Variants in CA10 observed in about 807,000 individuals in gnomAD.
CA10 encodes carbonic anhydrase-related protein 10.
In CA10, 14 loss-of-function variants were observed where a neutral mutation model predicts 44.2. The observed-to-expected ratio is 0.32, with a 90% CI of 0.21 to 0.50. The LOEUF (loss-of-function observed/expected upper bound fraction) is 0.50. CA10 is among the 20% of genes least tolerant of loss of function. The probability of loss-of-function intolerance (pLI) is 0.99; values close to 1 mark genes in which losing one functional copy is unlikely to be tolerated. For missense variants in CA10, 350 were observed against 409.7 expected (o/e 0.85, Z 1.26); for synonymous variants, 159 against 141.6 (o/e 1.12, Z -0.87).
At chr17:52,158,961 C>T (rs1183609470), upstream of CA10, among the ~76,000 whole-genome samples, 1 of 152,170 alleles carries the variant, frequency 6.6e-6, no homozygotes, top group African/African-American at 2.4e-5. Flanking sequence ...CTGGGTGTCA[C>T]AGCTTCAGGC....
chr17:52,150,103 A>G (rs1403663117), intron 1 of CA10, among the ~76,000 whole-genome samples: 1 of 152,136 alleles, frequency 6.6e-6, no homozygotes, highest in East Asian at 1.9e-4. Context: ...TGAATTAATC[A>G]TGTCCTATGT....
At chr17:52,158,997 G>A (rs1229484673), upstream of CA10, among the ~76,000 whole-genome samples, 2 of 152,194 alleles carry the variant, frequency 1.3e-5, no homozygotes, top group African/African-American at 4.8e-5. Flanking sequence ...CTCGGCCCCA[G>A]TCCCTGGCAG....
Position 51,820,415 on chromosome 17 carries a change from C to CGG in CA10, c.280-72598_280-72597insCC, listed in dbSNP as rs1390848765. On this transcript the variant is annotated intron_variant, in intron 3 of 8. Transcript: ENST00000451037. ...CCTGGGGATTCCCCTACCCCCCCCCCCCCGCCCGCCGATTTTCCTGTACAA... is the reference window on the plus strand; with the variant it reads ...CCTGGGGATTCCCCTACCCCCCCCCCGGCCCGCCCGCCGATTTTCCTGTACAA... Among the ~76,000 whole-genome samples the CGG allele has an allele frequency of 2.9e-4, 28 of 97,386 alleles. 2 individuals are homozygous for CGG. The highest frequency in any genetic ancestry group is 1.1e-3 in the African/African-American group (25 of 22,520). The allele number at this position is 97,386 out of a possible 152,430, so 63.9% of individuals were successfully genotyped here. A position where few individuals can be genotyped will look rare whatever the true frequency, so the allele number is the denominator to read the frequency against.
At chr17:51,647,717 C>T (rs1038680600) in intron 6 of CA10, among the ~76,000 whole-genome samples, 6 of 151,822 alleles carry the variant, frequency 4.0e-5, no homozygotes, top group African/African-American at 1.5e-4. Context: ...AATTTTCATG[C>T]TTTTTTCATC....
intron 1 of CA10, among the ~76,000 whole-genome samples, chr17:52,124,122 G>A (rs1177093214): frequency 6.6e-6 from 1 of 152,076 alleles, no homozygotes; most frequent in East Asian, 1.9e-4. Context: ...TCACTATGGT[G>A]CTCCATCCTG....
intron 3 of CA10, among the ~76,000 whole-genome samples, chr17:51,874,704 GAATT>G (rs1253697333): frequency 6.6e-6 from 1 of 152,138 alleles, no homozygotes; most frequent in Non-Finnish European, 1.5e-5. Flanking sequence ...CCCACTATTA[GAATT>G]AACCACTGCA....
At position 51,729,347 on chromosome 17, in the gene CA10, G is replaced by GCTTAAACA. The variant is rs1567819452; in HGVS notation, c.465+18285_465+18286insTGTTTAAG. Among the ~76,000 whole-genome samples the GCTTAAACA allele has an allele frequency of 1.2e-3, 188 of 151,992 alleles. 5 individuals carry two copies. In the East Asian group the frequency reaches 0.036, roughly 29 times the overall value. ...CAGATGCTTAAACTTTTTTGTGTGTGTGTGTGTATCACCACACACACATGC... is the reference window on the plus strand; with the variant it reads ...CAGATGCTTAAACTTTTTTGTGTGTGCTTAAACATGTGTGTATCACCACACACACATGC... On this transcript the variant is annotated intron_variant, in intron 4 of 8. Coordinates refer to ENST00000451037, the MANE Select transcript of CA10 (RefSeq NM_020178.5).
intron 3 of CA10, among the ~76,000 whole-genome samples, chr17:51,890,805 A>G (rs1242498075): frequency 6.6e-6 from 1 of 152,182 alleles, no homozygotes; most frequent in African/African-American, 2.4e-5. Flanking sequence ...CTACTTATCC[A>G]GAGGTTACTG....
At chr17:51,950,285 T>C (rs879622006) in intron 2 of CA10, among the ~76,000 whole-genome samples, 1 of 152,116 alleles carries the variant, frequency 6.6e-6, no homozygotes, top group Non-Finnish European at 1.5e-5. Flanking sequence ...CTAGAACACT[T>C]GTGCTGGGTT....
At chr17:51,910,105 T>C (rs190570065) in intron 3 of CA10, among the ~76,000 whole-genome samples, 1 of 152,082 alleles carries the variant, frequency 6.6e-6, no homozygotes, top group Admixed American at 6.6e-5. Flanking sequence ...GTAATAGGAA[T>C]GAATAACAGA....
At chr17:51,890,100 A>T (rs1674505793) in intron 3 of CA10, among the ~76,000 whole-genome samples, 1 of 152,198 alleles carries the variant, frequency 6.6e-6, no homozygotes, top group South Asian at 2.1e-4. Context: ...CTCTCCTGAC[A>T]TTCCATTAAT....
intron 3 of CA10, among the ~76,000 whole-genome samples, chr17:51,844,607 T>C (rs1326498405): frequency 6.6e-6 from 1 of 152,200 alleles, no homozygotes; most frequent in Non-Finnish European, 1.5e-5. Flanking sequence ...AATATTCTTA[T>C]CTCTTTTCAC....
At chr17:51,849,549 C>T (rs1047698367) in intron 3 of CA10, among the ~76,000 whole-genome samples, 12 of 151,910 alleles carry the variant, frequency 7.9e-5, no homozygotes, top group Non-Finnish European at 1.2e-4. Context: ...TTAGCTGTGA[C>T]GACCTTGGTC....
At chr17:52,083,831 G>A (rs1177081537) in intron 1 of CA10, among the ~76,000 whole-genome samples, 1 of 151,806 alleles carries the variant, frequency 6.6e-6, no homozygotes, top group African/African-American at 2.4e-5. Context: ...GACTTATGTT[G>A]ATTCCATATC....
intron 3 of CA10, among the ~76,000 whole-genome samples, chr17:51,919,722 G>A (rs1029059532): frequency 6.6e-6 from 1 of 152,114 alleles, no homozygotes; most frequent in African/African-American, 2.4e-5. Context: ...CACGATCTCT[G>A]CTCACTGCAA....
intron 2 of CA10, among the ~76,000 whole-genome samples, chr17:51,980,585 C>T (rs970511444): frequency 6.6e-6 from 1 of 152,100 alleles, no homozygotes; most frequent in Non-Finnish European, 1.5e-5. Flanking sequence ...GTCACAAAAT[C>T]TCTGCCTGTT....
intron 2 of CA10, among the ~76,000 whole-genome samples, chr17:51,978,378 CTGTA>C (rs915098318): frequency 2.0e-5 from 3 of 147,562 alleles, no homozygotes; most frequent in East Asian, 4.0e-4. Context: ...GTGTGTGTGT[CTGTA>C]TGTGTGTGTG....
At chr17:51,669,078 C>G (rs556930693) in intron 4 of CA10, among the ~76,000 whole-genome samples, 68 of 152,326 alleles carry the variant, frequency 4.5e-4, no homozygotes, top group African/African-American at 1.6e-3. Context: ...CGTGGGCTCC[C>G]GCATGGCCTT....
intron 3 of CA10, among the ~76,000 whole-genome samples, chr17:51,784,384 A>T (rs1214200452): frequency 6.6e-6 from 1 of 152,214 alleles, no homozygotes; most frequent in Non-Finnish European, 1.5e-5. Context: ...CTGGTTTTGG[A>T]AATTAGGGAG....
Sources: allele counts gnomAD v4.1 joint callset (sites outside exome capture counted in the v4.1 genomes callset), GRCh38; gene constraint gnomAD v4.1.1; transcripts MANE v1.5; gene names NCBI Gene and HGNC (gene_info 2026-07-23, HGNC 2026-07-21).